SYT1: variants seen among roughly 807,000 people sequenced by gnomAD.
SYT1 encodes the protein synaptotagmin 1, also known as synaptotagmin-1.
In SYT1, 8 loss-of-function variants were observed where a neutral mutation model predicts 44.8. The observed-to-expected ratio is 0.18, with a 90% confidence interval of 0.10 to 0.32. The LOEUF is 0.32. Ranked by LOEUF, SYT1 falls within the 10% of genes least tolerant of loss-of-function variation. The pLI, the probability that SYT1 is intolerant of heterozygous loss-of-function variation, is 1.00. For synonymous variants in SYT1, 154 were observed against 188.8 expected (o/e 0.82, Z 1.51); for missense variants, 286 against 509.3 (o/e 0.56, Z 4.22).
chr12:79,436,252 GTAT>G (rs1394292940), intron 9 of SYT1, among the ~76,000 whole-genome samples: 5 of 152,070 alleles, frequency 3.3e-5, no homozygotes, highest in African/African-American at 9.7e-5. Flanking sequence ...ATTGATACCA[GTAT>G]TATTATCTTT....
At chr12:79,017,021 C>A (rs552832618) in intron 2 of SYT1, among the ~76,000 whole-genome samples, 2 of 152,158 alleles carry the variant, frequency 1.3e-5, no homozygotes, top group East Asian at 3.9e-4. Flanking sequence ...TTTCTTACAT[C>A]CATCACTTAT....
intron 4 of SYT1, among the ~76,000 whole-genome samples, chr12:79,244,661 G>A (rs1410458543): frequency 2.7e-5 from 4 of 150,010 alleles, no homozygotes; most frequent in African/African-American, 4.9e-5. Context: ...CCAGGATCAC[G>A]CCACTGCACT....
chr12:78,986,833 A>G (rs889258784), intron 2 of SYT1, among the ~76,000 whole-genome samples: 1 of 152,016 alleles, frequency 6.6e-6, no homozygotes, highest in Non-Finnish European at 1.5e-5. Flanking sequence ...GATTAGATAC[A>G]TATCTTTCTT....
intron 3 of SYT1, among the ~76,000 whole-genome samples, chr12:79,176,122 C>G (rs1871846829): frequency 6.6e-6 from 1 of 151,742 alleles, no homozygotes; most frequent in African/African-American, 2.4e-5. Flanking sequence ...GAAACCTCAT[C>G]TCTACTAAAA....
intron 2 of SYT1, among the ~76,000 whole-genome samples, chr12:79,023,887 T>C (rs924925534): frequency 5.3e-5 from 8 of 151,798 alleles, no homozygotes; most frequent in Non-Finnish European, 1.2e-4. Flanking sequence ...TCTTTACTCC[T>C]AAACACTTAA....
intron 4 of SYT1, among the ~76,000 whole-genome samples, chr12:79,255,753 C>T (rs1877479209): frequency 6.6e-6 from 1 of 152,036 alleles, no homozygotes; most frequent in Admixed American, 6.6e-5. Flanking sequence ...AATGAGGTGC[C>T]CTTGTGTTTG....
At chr12:79,389,195 T>G (rs1312595737) in intron 9 of SYT1, among the ~76,000 whole-genome samples, 1 of 152,214 alleles carries the variant, frequency 6.6e-6, no homozygotes, top group Admixed American at 6.5e-5. Context: ...TCAAGGAACA[T>G]TTTTAATAAA....
chr12:78,994,534 A>ATTTTTTT, intron 2 of SYT1, among the ~76,000 whole-genome samples: 1 of 55,584 alleles, frequency 1.8e-5, no homozygotes, highest in Non-Finnish European at 3.3e-5. Flanking sequence ...TGTTCTGAGG[A>ATTTTTTT]TTTTTTTTTT....
chr12:79,008,319 G>C (rs986333659), intron 2 of SYT1, among the ~76,000 whole-genome samples: 1 of 152,086 alleles, frequency 6.6e-6, no homozygotes, highest in African/African-American at 2.4e-5. Flanking sequence ...CTGGAATTTA[G>C]TAAAAAGAAG....
At chr12:79,221,503 C>G (rs1413908913) in intron 4 of SYT1, among the ~76,000 whole-genome samples, 1 of 151,994 alleles carries the variant, frequency 6.6e-6, no homozygotes, top group Non-Finnish European at 1.5e-5. Flanking sequence ...GCTGTCTTCC[C>G]TTGTGGCTAA....
At chr12:79,260,284 A>T (rs892645046) in intron 4 of SYT1, among the ~76,000 whole-genome samples, 10 of 152,342 alleles carry the variant, frequency 6.6e-5, no homozygotes, top group African/African-American at 2.2e-4. Flanking sequence ...CTTTACACAC[A>T]CACAAACACA....
At chr12:79,032,251 A>G (rs1207915674) in intron 2 of SYT1, among the ~76,000 whole-genome samples, 1 of 151,208 alleles carries the variant, frequency 6.6e-6, no homozygotes, top group Non-Finnish European at 1.5e-5. Flanking sequence ...GGTACTGTGA[A>G]CTGAAGATTA....
chr12:79,287,990 A>C (rs993130774), intron 5 of SYT1, among the ~76,000 whole-genome samples: 6 of 152,188 alleles, frequency 3.9e-5, no homozygotes, highest in African/African-American at 1.4e-4. Flanking sequence ...CTTTGTCTAC[A>C]TAGGACATTA....
At chr12:79,376,337 G>A (rs1883994885) in intron 9 of SYT1, among the ~76,000 whole-genome samples, 1 of 152,206 alleles carries the variant, frequency 6.6e-6, no homozygotes, top group Admixed American at 6.5e-5. Flanking sequence ...TTGATGATAT[G>A]CTGAACAAAG....
At chr12:78,899,284 G>C (rs1875530283) in intron 1 of SYT1, among the ~76,000 whole-genome samples, 1 of 151,722 alleles carries the variant, frequency 6.6e-6, no homozygotes, top group African/African-American at 2.4e-5. Flanking sequence ...GTGCCTGACA[G>C]TTAAGAGTGC....
At chr12:79,248,776 A>G (rs946394890) in intron 4 of SYT1, among the ~76,000 whole-genome samples, 7 of 152,258 alleles carry the variant, frequency 4.6e-5, no homozygotes, top group Non-Finnish European at 8.8e-5. Context: ...AGTTTAAGTC[A>G]GCTGGAGACC....
intron 8 of SYT1, among the ~76,000 whole-genome samples, chr12:79,305,417 C>G (rs1253841522): frequency 6.6e-6 from 1 of 152,128 alleles, no homozygotes; most frequent in Non-Finnish European, 1.5e-5. Flanking sequence ...AAGGTCTGGT[C>G]TCACAGCCTG....
intron 9 of SYT1, among the ~76,000 whole-genome samples, chr12:79,413,937 C>T (rs1170081057): frequency 6.6e-6 from 1 of 152,094 alleles, no homozygotes. Context: ...CAGTTCTTTT[C>T]CATATATGTA....
chr12:79,335,249 A>T (rs1401167512), intron 8 of SYT1, among the ~76,000 whole-genome samples: 4 of 152,100 alleles, frequency 2.6e-5, no homozygotes, highest in African/African-American at 9.7e-5. Flanking sequence ...CTCTTGTCAG[A>T]TAGTCCTTTT....
Sources: allele counts gnomAD v4.1 joint callset (sites outside exome capture counted in the v4.1 genomes callset), GRCh38; gene constraint gnomAD v4.1.1; transcripts MANE v1.5; gene names NCBI Gene and HGNC (gene_info 2026-07-23, HGNC 2026-07-21).